PCDHGB1: variants seen among roughly 807,000 people sequenced by gnomAD.
PCDHGB1 encodes protocadherin gamma subfamily B, 1, also known as protocadherin gamma-B1.
In PCDHGB1, 34 loss-of-function variants were observed where a neutral mutation model predicts 56.6. That is an observed-to-expected ratio of 0.60 (90% CI 0.46 to 0.80). PCDHGB1 has a LOEUF of 0.80. Among genes scored for constraint, PCDHGB1 ranks in the 30% least tolerant of loss-of-function variants. The pLI, the probability that PCDHGB1 is intolerant of heterozygous loss-of-function variation, is 0.00. For synonymous variants in PCDHGB1, 561 were observed against 505.9 expected (o/e 1.11, Z -1.46); for missense variants, 1,278 against 1,204.6 (o/e 1.06, Z -0.90).
At chr5:141,400,031 G>T in intron 1 of PCDHGB1, 1 of 1,613,082 alleles carries the variant, frequency 6.2e-7, no homozygotes, top group Admixed American at 1.7e-5. Flanking sequence ...GACGCGGCCC[G>T]CCAGCGCCTG....
intron 1 of PCDHGB1, chr5:141,400,037 G>T (rs778871485): frequency 3.1e-6 from 5 of 1,613,132 alleles, no homozygotes; most frequent in Admixed American, 1.7e-5. Flanking sequence ...GCCCGCCAGC[G>T]CCTGCTGGTT....
intron 1 of PCDHGB1, among the ~76,000 whole-genome samples, chr5:141,363,259 A>G (rs1181731683): frequency 6.6e-6 from 1 of 152,244 alleles, no homozygotes; most frequent in Non-Finnish European, 1.5e-5. Context: ...AATATTACTT[A>G]AAACTTTGCT....
chr5:141,384,898 A>G (rs982769749), intron 1 of PCDHGB1: 168 of 1,613,752 alleles, frequency 1.0e-4, no homozygotes, highest in Non-Finnish European at 1.3e-4. Flanking sequence ...TGTGGCTGAC[A>G]GCATCCCCGA....
intron 1 of PCDHGB1, among the ~76,000 whole-genome samples, chr5:141,475,750 T>C (rs1158317865): frequency 6.6e-6 from 1 of 152,270 alleles, no homozygotes; most frequent in African/African-American, 2.4e-5. Context: ...AGGTTTCCTA[T>C]GCACCGATAC....
intron 1 of PCDHGB1, chr5:141,418,346 A>G (rs780933957): frequency 1.7e-5 from 27 of 1,614,022 alleles, no homozygotes; most frequent in South Asian, 2.2e-5. Flanking sequence ...TCCTGATATT[A>G]GTATGAATTC....
At chr5:141,374,343 C>T in intron 1 of PCDHGB1, 2 of 1,613,990 alleles carry the variant, frequency 1.2e-6, no homozygotes, top group Non-Finnish European at 1.7e-6. Context: ...TTGGTCACCG[C>T]GGGTAGGATA....
At chr5:141,445,249 G>A (rs1337658576) in intron 1 of PCDHGB1, among the ~76,000 whole-genome samples, 2 of 152,170 alleles carry the variant, frequency 1.3e-5, no homozygotes, top group South Asian at 4.1e-4. Flanking sequence ...ACTATATTGT[G>A]TGAGAATATA....
At chr5:141,371,984 C>G (rs761389914) in intron 1 of PCDHGB1, 4 of 1,613,266 alleles carry the variant, frequency 2.5e-6, no homozygotes, top group Non-Finnish European at 2.5e-6. Context: ...CCTTCGAGCT[C>G]ACTCTGCAGG....
At chr5:141,361,713 C>A in intron 1 of PCDHGB1, 1 of 1,613,404 alleles carries the variant, frequency 6.2e-7, no homozygotes, top group Non-Finnish European at 8.5e-7. Context: ...AGCAGCTGCG[C>A]GCCTTCGAGC....
At chr5:141,370,981 T>G in intron 1 of PCDHGB1, 1 of 1,613,994 alleles carries the variant, frequency 6.2e-7, no homozygotes, top group Non-Finnish European at 8.5e-7. Context: ...GAGCTAGTAC[T>G]GAAAGCACCC....
chr5:141,448,190 C>T (rs1426828578), intron 1 of PCDHGB1, among the ~76,000 whole-genome samples: 1 of 152,118 alleles, frequency 6.6e-6, no homozygotes, highest in Non-Finnish European at 1.5e-5. Flanking sequence ...GTTATGTACA[C>T]TTACAAACAT....
chr5:141,487,499 G>A lies in PCDHGB1; in HGVS notation c.2410-7308G>A, dbSNP rs2099647158. On this transcript the variant is annotated intron_variant, in intron 1 of 3. Transcript: ENST00000523390. This position sits in a 1 kb window ranked among gnomAD's most constrained non-coding sequence, Gnocchi z 5.0. ...CCACTCTCATGGCTGTACACCCTTGGCTTCTGCACCCACTCGGAGTGATAG... is the reference window on the plus strand; with the variant it reads ...CCACTCTCATGGCTGTACACCCTTGACTTCTGCACCCACTCGGAGTGATAG... The A allele has an allele frequency of 3.1e-6, 5 of 1,614,152 alleles. No homozygotes were observed. The highest frequency in any genetic ancestry group is 2.2e-5 in the East Asian group (1 of 44,852).
chr5:141,369,295 G>A (rs556803561), intron 1 of PCDHGB1, among the ~76,000 whole-genome samples: 2 of 152,200 alleles, frequency 1.3e-5, no homozygotes, highest in Admixed American at 6.5e-5. Context: ...TCCTAATAAC[G>A]CATCATTGTT....
At chr5:141,400,014 C>T (rs2093941558) in intron 1 of PCDHGB1, 1 of 1,612,662 alleles carries the variant, frequency 6.2e-7, no homozygotes, top group Non-Finnish European at 8.5e-7. Flanking sequence ...GTGCCTTGGG[C>T]GACAGGGACG....
chr5:141,398,683 C>A, intron 1 of PCDHGB1: 1 of 1,613,914 alleles, frequency 6.2e-7, no homozygotes, highest in Non-Finnish European at 8.5e-7. Flanking sequence ...TAAGGAGAAA[C>A]AGGATGGTAG....
rs200312693 is a variant in PCDHGB1 at position 141,364,360 on chromosome 5, C to T, written c.2409+11691C>T. 1.5e-3 allele frequency: 2,261 copies of T among 1,558,460 alleles called. 3 individuals carry two copies. The highest frequency in any genetic ancestry group is 1.8e-3 in the Non-Finnish European group (2,074 of 1,154,776). On this transcript the variant is annotated intron_variant, in intron 1 of 3. Transcript: ENST00000523390. ...CGAGTCCACCTAGGGGCTGGGGCTG[C>T]GGAGAGCTGCTGCTGCCCTTCATGC...
At chr5:141,372,739 GT>G in intron 1 of PCDHGB1, 1 of 1,613,668 alleles carries the variant, frequency 6.2e-7, no homozygotes, top group Non-Finnish European at 8.5e-7. Context: ...GATCTTCTAT[GT>G]GATGAAGCCT....
In PCDHGB1 at chr5:141,487,186, A is replaced by G; in HGVS notation, c.2410-7621A>G. 4 of 1,613,760 alleles carry G rather than the reference A, an allele frequency of 2.5e-6. No individual in the cohort carries two copies. The highest frequency in any genetic ancestry group is 2.5e-6 in the Non-Finnish European group (3 of 1,179,662). ...TGTCCTTAGAGGAAGACACTCATCC[A>G]GTTGTCCCAGATCTTCGAGAATCTT... is the stretch of plus-strand genomic sequence containing the variant. On this transcript the variant is annotated intron_variant, in intron 1 of 3. Coordinates refer to ENST00000523390, the MANE Select transcript of PCDHGB1 (RefSeq NM_018922.3). This position sits in a 1 kb window ranked among gnomAD's most constrained non-coding sequence, Gnocchi z 5.0.
rs553104661 is a variant in PCDHGB1 at position 141,460,009 on chromosome 5, C to T, written c.2410-34798C>T. ...AGGAGAATCGCTTGAACCCAGGAGG[C>T]GGAGGTTGCAGTGAGCCGAGACTGC... On this transcript the variant is annotated intron_variant, in intron 1 of 3. Coordinates refer to ENST00000523390, the MANE Select transcript of PCDHGB1 (RefSeq NM_018922.3). 9.9e-4 allele frequency among the ~76,000 whole-genome samples: 150 copies of T among 152,212 alleles called. 1 individual carries two copies. The highest frequency in any genetic ancestry group is 3.4e-3 in the Middle Eastern group (1 of 294).
Sources: gnomAD v4.1 joint callset for allele counts (sites outside exome capture counted in the v4.1 genomes callset) on GRCh38, gnomAD v4.1.1 for gene constraint, Gnocchi (gnomAD v3.1) non-coding constraint, MANE v1.5 for transcripts, NCBI Gene and HGNC (gene_info 2026-07-23, HGNC 2026-07-21) for gene names.